The following MIS18A variants were observed in gnomAD, a reference collection of about 807,000 sequenced individuals.
MIS18A encodes the protein protein Mis18-alpha.
In MIS18A, 14 loss-of-function variants were observed where a neutral mutation model predicts 25.0. The ratio of observed to expected loss-of-function variants is 0.56; its 90% CI spans 0.37 to 0.88. The LOEUF (loss-of-function observed/expected upper bound fraction) is 0.88, where lower values mean the gene tolerates loss of function less well. MIS18A is among the 40% of genes least tolerant of loss of function. The pLI, the probability that MIS18A is intolerant of heterozygous loss-of-function variation, is 0.00. For synonymous variants in MIS18A, 134 were observed against 118.6 expected, an observed-to-expected ratio of 1.13 and a Z score of -0.84; for missense variants, 292 against 290.8, an observed-to-expected ratio of 1.00 and a Z score of -0.03.
the MIS18A span, among the ~76,000 whole-genome samples, chr21:32,198,603 G>A: frequency 6.6e-6 from 1 of 152,210 alleles, no homozygotes; most frequent in Non-Finnish European, 1.5e-5. Flanking sequence ...CTGCTCCAGA[G>A]GAGCCCAGCA....
At chr21:32,197,314 GCTGT>G in the MIS18A span, among the ~76,000 whole-genome samples, 342 of 151,878 alleles carry the variant, frequency 2.3e-3, no homozygotes, top group African/African-American at 7.9e-3. Context: ...CAGAGCTGTA[GCTGT>G]CTGAGGTTTT....
the MIS18A span, among the ~76,000 whole-genome samples, chr21:32,176,618 A>G: frequency 6.6e-6 from 1 of 152,208 alleles, no homozygotes; most frequent in Non-Finnish European, 1.5e-5. Flanking sequence ...ATTAGAAAAT[A>G]AGAAAGGCTG....
At chr21:32,206,680 G>A in the MIS18A span, among the ~76,000 whole-genome samples, 3 of 152,174 alleles carry the variant, frequency 2.0e-5, no homozygotes, top group Admixed American at 6.5e-5. Flanking sequence ...GGATGAGAGA[G>A]CCGCAGCTTC....
At chr21:32,266,545 G>A (rs1284844555), downstream of MIS18A, among the ~76,000 whole-genome samples, 1 of 152,044 alleles carries the variant, frequency 6.6e-6, no homozygotes, top group Non-Finnish European at 1.5e-5. Context: ...TCACTCCTGA[G>A]CCCAGTGAGA....
chr21:32,181,356 T>G, the MIS18A span, among the ~76,000 whole-genome samples: 2 of 152,162 alleles, frequency 1.3e-5, no homozygotes, highest in African/African-American at 4.8e-5. Flanking sequence ...CATAATCGCA[T>G]GAGCCAATGA....
chr21:32,270,575 A>G (rs1454091716), intron 2 of MIS18A, 46 bp from the exon 3 acceptor site: 2 of 1,471,942 alleles, frequency 1.4e-6, no homozygotes, highest in Non-Finnish European at 1.8e-6. Context: ...GCAGCAACTC[A>G]TTATAATAAA....
chr21:32,206,839 T>C, the MIS18A span, among the ~76,000 whole-genome samples: 1 of 152,296 alleles, frequency 6.6e-6, no homozygotes, highest in African/African-American at 2.4e-5. Context: ...GGCTGCTCTG[T>C]GAATGCCCCG....
the MIS18A span, among the ~76,000 whole-genome samples, chr21:32,235,767 T>C: frequency 1.3e-5 from 2 of 152,146 alleles, no homozygotes; most frequent in African/African-American, 4.8e-5. Flanking sequence ...TCATCCATCA[T>C]TGGACTGCCT....
At chr21:32,200,933 C>A in the MIS18A span, among the ~76,000 whole-genome samples, 5 of 152,122 alleles carry the variant, frequency 3.3e-5, no homozygotes, top group Non-Finnish European at 5.9e-5. Flanking sequence ...CGAAGTCAAC[C>A]TACCTGTGCC....
At chr21:32,194,755 C>G in the MIS18A span, among the ~76,000 whole-genome samples, 1 of 152,066 alleles carries the variant, frequency 6.6e-6, no homozygotes, top group Non-Finnish European at 1.5e-5. Flanking sequence ...ATGGATGGAA[C>G]AGGAGGCCGT....
At chr21:32,254,203 C>A in the MIS18A span, among the ~76,000 whole-genome samples, 9 of 150,810 alleles carry the variant, frequency 6.0e-5, no homozygotes, top group Non-Finnish European at 7.4e-5. Context: ...TGCACTCCAG[C>A]CTGGGCGACA....
chr21:32,186,458 AAC>A, the MIS18A span, among the ~76,000 whole-genome samples: 1 of 152,232 alleles, frequency 6.6e-6, no homozygotes, highest in African/African-American at 2.4e-5. Context: ...GTGCTCAGGA[AAC>A]ACTTGTTAGC....
chr21:32,224,933 A>G, the MIS18A span, among the ~76,000 whole-genome samples: 1 of 132,118 alleles, frequency 7.6e-6, no homozygotes, highest in Non-Finnish European at 1.6e-5. Flanking sequence ...AAACAGAGAT[A>G]TAGATCAATG....
the MIS18A span, among the ~76,000 whole-genome samples, chr21:32,167,104 T>C: frequency 0.02 from 3,004 of 152,350 alleles, 112 homozygotes; most frequent in African/African-American, 0.067. Flanking sequence ...CTGAGCTTAA[T>C]GAAGACCACA....
intron 1 of MIS18A, chr21:32,278,371 C>CT (rs1371257550): frequency 1.0e-5 from 4 of 394,652 alleles, no homozygotes; most frequent in African/African-American, 4.2e-5. Flanking sequence ...ATTTGTTTCT[C>CT]TTTTTTTAGG....
the MIS18A span, among the ~76,000 whole-genome samples, chr21:32,246,944 C>T: frequency 4.6e-5 from 7 of 152,222 alleles, no homozygotes; most frequent in East Asian, 1.9e-4. Context: ...GAAAAAGAGA[C>T]GAGTTGCTTC....
the MIS18A span, among the ~76,000 whole-genome samples, chr21:32,166,221 A>C: frequency 6.6e-6 from 1 of 152,234 alleles, no homozygotes; most frequent in African/African-American, 2.4e-5. Context: ...GTATCTCACA[A>C]AGAATGAAGT....
At chr21:32,274,212 T>G (rs1408488793) in intron 2 of MIS18A, among the ~76,000 whole-genome samples, 2 of 140,488 alleles carry the variant, frequency 1.4e-5, no homozygotes, top group Non-Finnish European at 3.1e-5. Flanking sequence ...TTTTTTTTTT[T>G]TTTTTTTTTT....
the MIS18A span, among the ~76,000 whole-genome samples, chr21:32,189,153 G>T: frequency 6.6e-6 from 1 of 152,196 alleles, no homozygotes; most frequent in African/African-American, 2.4e-5. Context: ...GACTCCATGT[G>T]CAGGTGCATC....
Sources: gnomAD v4.1 joint callset for allele counts (sites outside exome capture counted in the v4.1 genomes callset) on GRCh38, gnomAD v4.1.1 for gene constraint, MANE v1.5 for transcripts, NCBI Gene and HGNC (gene_info 2026-07-23, HGNC 2026-07-21) for gene names.